The following ARHGAP11A variants were observed in gnomAD, a reference collection of about 807,000 sequenced individuals.
The protein encoded by ARHGAP11A is rho GTPase-activating protein 11A.
A neutral mutation model predicts 60.5 loss-of-function variants in ARHGAP11A; 36 were observed. That is an observed-to-expected ratio of 0.59 (90% CI 0.46 to 0.79). The LOEUF (loss-of-function observed/expected upper bound fraction) is 0.79, where lower values mean the gene tolerates loss of function less well. ARHGAP11A is among the 30% of genes least tolerant of loss of function. ARHGAP11A has a pLI of 0.00. For synonymous variants in ARHGAP11A, 362 were observed against 415.5 expected, an observed-to-expected ratio of 0.87 and a Z score of 1.57; for missense variants, 1,071 against 1,199.2, an observed-to-expected ratio of 0.89 and a Z score of 1.58.
At chr15:32,617,476 T>C (rs1439462271) in intron 1 of ARHGAP11A, among the ~76,000 whole-genome samples, 1 of 130,706 alleles carries the variant, frequency 7.7e-6, no homozygotes, top group African/African-American at 2.9e-5. Flanking sequence ...TTTTCCTTTT[T>C]TTTTTTTTTT....
rs1405280124 is a variant in ARHGAP11A, at chr15:32,636,781, T to C, written c.2008T>C (p.Ser670Pro). 6 of 1,611,520 alleles carry C rather than the reference T, an allele frequency of 3.7e-6. No homozygotes were observed. The highest frequency in any genetic ancestry group is 5.1e-6 in the Non-Finnish European group (6 of 1,179,504). ...CACTGGTAAAGGTGAAAAATGTTTT[T>C]CAGAGAGGGACTTTTCACCCCTTCA... ...HHTGKGEKCF[S>P]ERDFSPLQTQ... Residue 670 changes from serine to proline, a missense_variant, in exon 12 of 12, where the codon TCA (serine) becomes CCA (proline). Ser to Pro is a moderately conservative substitution (Grantham distance 74). Around this residue, in one of 4 missense-constraint regions of ARHGAP11A, gnomAD observed 776 missense variants for 760.2 expected, o/e 1.02. Transcript: ENST00000361627.
chr15:32,628,685 C>T (rs1343148599), intron 6 of ARHGAP11A, 43 bp from the exon 7 acceptor site: 8 of 1,433,086 alleles, frequency 5.6e-6, no homozygotes, highest in Non-Finnish European at 7.6e-6. Flanking sequence ...TGGTGAAAGA[C>T]AAGTAAATGT....
At chr15:32,628,852 C>G in intron 7 of ARHGAP11A, 50 bp downstream of exon 7, 1 of 1,246,970 alleles carries the variant, frequency 8.0e-7, no homozygotes, top group Non-Finnish European at 1.1e-6. Context: ...GTATAGTATT[C>G]TATAAAATAC....
chr15:32,636,323 A>G lies in ARHGAP11A; in HGVS notation c.1550A>G (p.Tyr517Cys). Reference protein sequence around the residue: ...LTPERLVGTNYRMSWTGPNNS... With the variant: ...LTPERLVGTNCRMSWTGPNNS... ...CCAGAGCGACTAGTTGGAACAAATT[A>G]CCGGATGTCTTGGACAGGACCTAAT... The change falls in exon 12 of 12, where the codon TAC becomes TGC. Residue 517 changes from tyrosine (Y) to cysteine (C), a missense_variant. This residue lies in a region of ARHGAP11A where 776 missense variants were observed against 760.2 expected (regional missense o/e 1.02). Coordinates refer to ENST00000361627, the MANE Select transcript of ARHGAP11A (RefSeq NM_014783.6). 1 of 1,613,774 alleles carries G rather than the reference A, an allele frequency of 6.2e-7. No homozygotes were observed. The highest frequency in any genetic ancestry group is 1.1e-5 in the South Asian group (1 of 90,922).
At chr15:32,621,628 T>C (rs62001763) in intron 2 of ARHGAP11A, among the ~76,000 whole-genome samples, 2 of 152,300 alleles carry the variant, frequency 1.3e-5, no homozygotes, top group Non-Finnish European at 2.9e-5. Context: ...GATCCAGACC[T>C]TCCTGGCTAA....
rs776172390 is a variant in ARHGAP11A at position 32,635,849 on chromosome 15, C to T, written c.1417C>T (p.Arg473Ter). The change falls in exon 11 of 12, where the codon CGA (arginine) becomes TGA (stop). Residue 473 changes from arginine (R) to a stop codon, truncating the protein, a stop_gained. Coordinates refer to ENST00000361627, the MANE Select transcript of ARHGAP11A (RefSeq NM_014783.6). LOFTEE classifies it high-confidence loss of function. ...TGCAAATCAACAAAGTTTAAAAAAT[C>T]GAATTGAATCTGTAAAAACAGGTTT... The part of the protein sequence containing the change: ...RLANQQSLKN[R>*]IESVKTGLLF... 8.1e-6 allele frequency: 13 copies of T among 1,609,462 alleles called. No homozygotes were observed. The highest frequency in any genetic ancestry group is 2.7e-5 in the African/African-American group (2 of 74,634).
rs1251130503 is a variant in ARHGAP11A at position 32,623,502 on chromosome 15, G to A, written c.211G>A (p.Asp71Asn). Residue 71 changes from aspartate (D) to asparagine (N), a missense_variant, in exon 3 of 12, where the codon GAT becomes AAT. Asp to Asn is a conservative substitution (Grantham distance 23). Coordinates refer to ENST00000361627, the MANE Select transcript of ARHGAP11A (RefSeq NM_014783.6). ...AAATCTCTCTTTCAGCTTTCTTGTC[G>A]ATGCTTGCACATCTTTAGAAGACCA... is the stretch of plus-strand genomic sequence containing the variant. Reference protein sequence around the residue: ...EYGHIPSFLVDACTSLEDHIH... With the variant: ...EYGHIPSFLVNACTSLEDHIH... 3.1e-6 allele frequency: 5 copies of A among 1,611,232 alleles called. No individual in the cohort carries two copies. The highest frequency in any genetic ancestry group is 2.2e-5 in the East Asian group (1 of 44,830).
Position 32,623,590 on chromosome 15 carries a change from T to G in ARHGAP11A, c.297+2T>G. On this transcript the variant is annotated splice_donor_variant, in intron 3 of 11. Transcript: ENST00000361627. LOFTEE classifies it high-confidence loss of function. ...GTGATTCGCCTAAAAGCACTAAAGGTGAGCATATTGTTGAACTATTAATTT... is the reference window on the plus strand; with the variant it reads ...GTGATTCGCCTAAAAGCACTAAAGGGGAGCATATTGTTGAACTATTAATTT... 1 of 1,607,718 alleles carries G rather than the reference T, an allele frequency of 6.2e-7. No individual in the cohort carries two copies. The highest frequency in any genetic ancestry group is 8.5e-7 in the Non-Finnish European group (1 of 1,178,104).
chr15:32,615,384 T>G (rs1483541288), upstream of ARHGAP11A: 1 of 151,988 alleles, frequency 6.6e-6, no homozygotes, highest in Admixed American at 6.6e-5. Flanking sequence ...CCCGCACTTA[T>G]CTAGACAGGC....
rs1235786271 is a variant in ARHGAP11A at position 32,639,673 on chromosome 15, T to G, written c.*1828T>G. On this transcript the variant is annotated 3_prime_UTR_variant, in exon 12 of 12. Transcript: ENST00000361627. The stretch of plus-strand genomic sequence containing the variant: ...TGTCTGTTTTAAAAACTACCACATG[T>G]GACTCCTATTTTTGTTAGCTGAAAG... The G allele has an allele frequency of 2.0e-5, 3 of 152,212 alleles. No individual in the cohort carries two copies. The highest frequency in any genetic ancestry group is 7.2e-5 in the African/African-American group (3 of 41,456). The allele number at this position is 152,212 out of a possible 1,614,324, so 9.4% of individuals were successfully genotyped here.
intron 4 of ARHGAP11A, 134 bp from the exon 5 acceptor site, chr15:32,624,946 A>G (rs1257095173): frequency 2.5e-6 from 2 of 799,238 alleles, no homozygotes; most frequent in Admixed American, 2.7e-5. Flanking sequence ...CAAGCCAATC[A>G]TGTAGATGAA....
chr15:32,617,904 A>G (rs188640108), intron 1 of ARHGAP11A, among the ~76,000 whole-genome samples: 136 of 152,308 alleles, frequency 8.9e-4, no homozygotes, highest in African/African-American at 3.2e-3. Context: ...TCAGTTTTAT[A>G]TATATAAAGT....
chr15:32,619,289 A>G (rs527452547), intron 1 of ARHGAP11A, among the ~76,000 whole-genome samples: 1 of 152,328 alleles, frequency 6.6e-6, no homozygotes, highest in East Asian at 1.9e-4. Context: ...ATAACCAGAC[A>G]TTTACAGGCT....
In ARHGAP11A at chr15:32,636,868, C is replaced by T. The variant is rs1428295480; in HGVS notation, c.2095C>T (p.His699Tyr). 1 of 1,612,382 alleles carries T rather than the reference C, an allele frequency of 6.2e-7. No individual in the cohort carries two copies. Among genetic ancestry groups the T allele is most frequent in the Admixed American group, 1.7e-5 (1 of 59,694 alleles). The change falls in exon 12 of 12, where the codon CAT becomes TAT. Residue 699 changes from histidine to tyrosine, a missense_variant. This residue lies in a region of ARHGAP11A where 776 missense variants were observed against 760.2 expected (regional missense o/e 1.02). Transcript: ENST00000361627. Reference protein sequence around the residue: ...KCYSTQMKMEHEKDIHSNMPK... With the variant: ...KCYSTQMKMEYEKDIHSNMPK... The stretch of plus-strand genomic sequence containing the variant: ...TTATTCAACTCAGATGAAGATGGAA[C>T]ATGAAAAAGACATTCATTCAAATAT...
chr15:32,620,832 G>A (rs2053277000), intron 2 of ARHGAP11A, among the ~76,000 whole-genome samples: 1 of 151,960 alleles, frequency 6.6e-6, no homozygotes. Flanking sequence ...TTTGAGGGCC[G>A]AGGCAGGAGG....
intron 1 of ARHGAP11A, among the ~76,000 whole-genome samples, chr15:32,618,952 A>C (rs1567048163): frequency 6.6e-6 from 1 of 152,056 alleles, no homozygotes; most frequent in Non-Finnish European, 1.5e-5. Flanking sequence ...CTCCCTCTCA[A>C]AAAAAATACA....
chr15:32,637,989 G>A lies in ARHGAP11A; in HGVS notation c.*144G>A. Reference sequence around the variant, plus strand: ...TTGAAAATGTTTCATTTTTTTCACTGTACAAGCAACTTAGATTTTTATTTG... The same window carrying A: ...TTGAAAATGTTTCATTTTTTTCACTATACAAGCAACTTAGATTTTTATTTG... On this transcript the variant is annotated 3_prime_UTR_variant, in exon 12 of 12. Coordinates refer to ENST00000361627, the MANE Select transcript of ARHGAP11A (RefSeq NM_014783.6). The A allele has an allele frequency of 2.8e-6, 2 of 721,180 alleles. No homozygotes were observed. The highest frequency in any genetic ancestry group is 4.3e-6 in the Non-Finnish European group (2 of 462,066). 44.7% of individuals were successfully genotyped at this position (721,180 alleles called of 1,614,324 possible). A position where few individuals can be genotyped will look rare whatever the true frequency, so the allele number is the denominator to read the frequency against.
At chr15:32,626,982 G>T (rs954010141) in intron 6 of ARHGAP11A, among the ~76,000 whole-genome samples, 9 of 152,074 alleles carry the variant, frequency 5.9e-5, no homozygotes, top group Non-Finnish European at 1.3e-4. Context: ...CTTAAACATA[G>T]GTTTTTTGGA....
chr15:32,625,604 A>T lies in ARHGAP11A; in HGVS notation c.833A>T (p.Tyr278Phe). 1 of 1,613,982 alleles carries T rather than the reference A, an allele frequency of 6.2e-7. No individual in the cohort carries two copies. Among genetic ancestry groups the T allele is most frequent in the Non-Finnish European group, 8.5e-7 (1 of 1,179,848 alleles). ...GGTGAATATGAAACTCCTGGTGAATATAAGAGAAAGAGAAGACAAAGTGTA... is the reference window on the plus strand; with the variant it reads ...GGTGAATATGAAACTCCTGGTGAATTTAAGAGAAAGAGAAGACAAAGTGTA... ...EEGEYETPGEYKRKRRQSVGD... is the reference protein window; with the variant it reads ...EEGEYETPGEFKRKRRQSVGD... Residue 278 changes from tyrosine (Y) to phenylalanine (F), a missense_variant, in exon 6 of 12, where the codon TAT becomes TTT. Physicochemically the swap from Tyr to Phe is conservative, Grantham distance 22. This residue lies in a region of ARHGAP11A where 196 missense variants were observed against 272.1 expected (regional missense o/e 0.72). Coordinates refer to ENST00000361627, the MANE Select transcript of ARHGAP11A (RefSeq NM_014783.6).
Sources: allele counts gnomAD v4.1 joint callset (sites outside exome capture counted in the v4.1 genomes callset), GRCh38; gene constraint gnomAD v4.1.1; regional missense constraint gnomAD v4.1.1; transcripts MANE v1.5; gene names NCBI Gene and HGNC (gene_info 2026-07-23, HGNC 2026-07-21).